Variants in ADGRL2 observed in about 807,000 individuals in gnomAD.
The protein encoded by ADGRL2 is calcium-independent alpha-latrotoxin receptor 2.
In ADGRL2, 44 loss-of-function variants were observed where a neutral mutation model predicts 157.4. The observed-to-expected ratio is 0.28, with a 90% CI of 0.22 to 0.36. The LOEUF (loss-of-function observed/expected upper bound fraction) is 0.36. ADGRL2 is among the 10% of genes least tolerant of loss of function. ADGRL2 has a pLI of 1.00. For synonymous variants in ADGRL2, 585 were observed against 624.7 expected (o/e 0.94, Z 0.95); for missense variants, 1,510 against 1,768.9 (o/e 0.85, Z 2.63).
intron 23 of ADGRL2, chr1:81,989,963 T>G (rs1664249914): frequency 1.0e-6 from 1 of 984,640 alleles, no homozygotes; most frequent in African/African-American, 1.7e-5. Flanking sequence ...CCTTTTTAAT[T>G]TAGTGTTGTT....
chr1:81,496,688 T>C lies in ADGRL2; in HGVS notation c.-248+51599T>C, dbSNP rs575307949. On this transcript the variant is annotated intron_variant, in intron 2 of 24. Transcript: ENST00000370721. The stretch of plus-strand genomic sequence containing the variant: ...GTTGAGGAAAAAAAAAAAAAGACCT[T>C]AGAATTCCCATACAAGGAAAGAAAT... 1.3e-4 allele frequency among the ~76,000 whole-genome samples: 19 copies of C among 151,530 alleles called. No individual in the cohort carries two copies. The South Asian group carries it at 3.9e-3, about 31-fold the overall frequency.
chr1:81,929,646 A>G (rs1324486730), intron 3 of ADGRL2, among the ~76,000 whole-genome samples: 2 of 152,180 alleles, frequency 1.3e-5, no homozygotes, highest in African/African-American at 4.8e-5. Context: ...ACAATTCAAG[A>G]TTAGAGTTGG....
intron 2 of ADGRL2, among the ~76,000 whole-genome samples, chr1:81,466,092 A>G (rs569940681): frequency 1.3e-5 from 2 of 152,360 alleles, no homozygotes; most frequent in African/African-American, 4.8e-5. Flanking sequence ...AGTAATCTGC[A>G]AGAAGCCAGA....
intron 19 of ADGRL2, among the ~76,000 whole-genome samples, chr1:81,983,003 G>A (rs557751244): frequency 7.9e-5 from 12 of 151,962 alleles, no homozygotes; most frequent in African/African-American, 2.9e-4. Context: ...ACATTGTACA[G>A]GGGTAACATT....
chr1:81,466,657 C>T (rs942405853), intron 2 of ADGRL2, among the ~76,000 whole-genome samples: 2 of 121,820 alleles, frequency 1.6e-5, no homozygotes, highest in African/African-American at 5.9e-5. Context: ...TGACATATAA[C>T]ATCTCTCTCT....
At chr1:81,438,630 T>C (rs2077452601) in intron 1 of ADGRL2, among the ~76,000 whole-genome samples, 1 of 152,134 alleles carries the variant, frequency 6.6e-6, no homozygotes, top group Admixed American at 6.6e-5. Context: ...CCCAGAGAGC[T>C]GATCGGTAAA....
At chr1:81,521,780 A>T (rs2079321163) in intron 2 of ADGRL2, among the ~76,000 whole-genome samples, 1 of 152,176 alleles carries the variant, frequency 6.6e-6, no homozygotes, top group Non-Finnish European at 1.5e-5. Context: ...ATGGGAAAAG[A>T]TGATGTGGAG....
intron 1 of ADGRL2, among the ~76,000 whole-genome samples, chr1:81,397,464 C>T (rs185959135): frequency 5.3e-5 from 8 of 151,754 alleles, no homozygotes; most frequent in East Asian, 1.9e-4. Flanking sequence ...AGACTAGAGG[C>T]GCCCGCCACC....
Position 81,754,492 on chromosome 1 carries a change from CTTCT to C in ADGRL2, c.-142-7315_-142-7312del, listed in dbSNP as rs2085605917. 5.1e-5 allele frequency among the ~76,000 whole-genome samples: 7 copies of C among 136,108 alleles called. No individual in the cohort carries two copies. In the South Asian group the frequency reaches 2.0e-3, roughly 39 times the overall value. The allele number at this position is 136,108 out of a possible 152,430, so 89.3% of individuals were successfully genotyped here. ...TCTCCCCTCCCCTCCCCTTTCCTTC[CTTCT>C]TTCCTTCCTCTTTCTTTCTTCCCTC... On this transcript the variant is annotated intron_variant, in intron 1 of 20. Transcript: ENST00000359929.
chr1:81,782,373 T>C (rs1394316053), intron 2 of ADGRL2, among the ~76,000 whole-genome samples: 1 of 152,210 alleles, frequency 6.6e-6, no homozygotes, highest in Non-Finnish European at 1.5e-5. Context: ...TTTATCAGTA[T>C]AATATATTAA....
rs566416406 is a variant in ADGRL2 at position 81,485,053 on chromosome 1, T to C, written c.-248+39964T>C. ...TGATAAATATACAGTATGCTTTGAATGCTATGACAAACTGCAATATTCAAA... is the reference window on the plus strand; with the variant it reads ...TGATAAATATACAGTATGCTTTGAACGCTATGACAAACTGCAATATTCAAA... On this transcript the variant is annotated intron_variant, in intron 2 of 24. Transcript: ENST00000370721. Among the ~76,000 whole-genome samples, 6 of 152,164 alleles carry C rather than the reference T, an allele frequency of 3.9e-5. No homozygotes were observed. In the South Asian group the frequency reaches 1.0e-3, roughly 26 times the overall value.
rs183512995 is a variant in ADGRL2, at chr1:81,489,713, A to G, written c.-248+44624A>G. Among the ~76,000 whole-genome samples the G allele has an allele frequency of 3.9e-5, 6 of 152,340 alleles. No homozygotes were observed. In the East Asian group the frequency reaches 1.2e-3, roughly 29 times the overall value. On this transcript the variant is annotated intron_variant, in intron 2 of 24. Coordinates refer to the ADGRL2 transcript ENST00000370721. ...GACAGAGAATCTTGTAAGCTGCAAG[A>G]CAGAAGTGGCTCATCGCATACAAGG...
intron 3 of ADGRL2, among the ~76,000 whole-genome samples, chr1:81,584,722 A>G (rs1335162754): frequency 5.3e-5 from 8 of 152,302 alleles, no homozygotes. Context: ...TTGGCAATAC[A>G]AATTCTGGAG....
intron 4 of ADGRL2, 95 bp from the exon 5 acceptor site, chr1:81,941,939 G>A (rs767862688): frequency 1.7e-4 from 108 of 626,864 alleles, no homozygotes; most frequent in Non-Finnish European, 2.9e-4. Context: ...CATCTGTTAC[G>A]AATTCAGTCT....
chr1:81,744,253 T>G (rs2085169795), intron 1 of ADGRL2, among the ~76,000 whole-genome samples: 1 of 152,128 alleles, frequency 6.6e-6, no homozygotes, highest in Admixed American at 6.6e-5. Context: ...TTGAGCATGT[T>G]TGGCAGTATT....
chr1:81,604,318 A>T (rs139412500), intron 3 of ADGRL2, among the ~76,000 whole-genome samples: 2 of 152,304 alleles, frequency 1.3e-5, no homozygotes, highest in Non-Finnish European at 2.9e-5. Context: ...TGGTTGAAGT[A>T]GTGAGAGGAG....
chr1:81,897,341 G>A (rs183217469), intron 2 of ADGRL2, among the ~76,000 whole-genome samples: 16 of 152,072 alleles, frequency 1.1e-4, no homozygotes, highest in African/African-American at 3.1e-4. Flanking sequence ...TGTGAACTTA[G>A]AAGTTGTAAC....
intron 1 of ADGRL2, among the ~76,000 whole-genome samples, chr1:81,819,492 A>AT (rs1203942473): frequency 6.6e-6 from 1 of 152,016 alleles, no homozygotes; most frequent in Non-Finnish European, 1.5e-5. Context: ...AAAAAAATAT[A>AT]TTTTTTCTTC....
intron 2 of ADGRL2, among the ~76,000 whole-genome samples, chr1:81,853,599 G>T (rs2093095076): frequency 6.6e-6 from 1 of 152,018 alleles, no homozygotes. Flanking sequence ...TTTATGATTT[G>T]CAACCTATGT....
Sources: allele counts gnomAD v4.1 joint callset (sites outside exome capture counted in the v4.1 genomes callset), GRCh38; gene constraint gnomAD v4.1.1; transcripts MANE v1.5; gene names NCBI Gene and HGNC (gene_info 2026-07-23, HGNC 2026-07-21).